FGF13: variants seen among roughly 807,000 people sequenced by gnomAD.
FGF13 encodes the protein fibroblast growth factor 13.
FGF13 carries 2 observed loss-of-function variants against 19.5 expected under a neutral mutation model. That is an observed-to-expected ratio of 0.10 (90% CI 0.04 to 0.32). FGF13 has a LOEUF of 0.32. FGF13 is among the 10% of genes least tolerant of loss of function. The pLI is 1.00. For synonymous variants in FGF13, 72 were observed against 76.9 expected, an observed-to-expected ratio of 0.94 and a Z score of 0.33; for missense variants, 113 against 192.7, an observed-to-expected ratio of 0.59 and a Z score of 2.45.
intron 3 of FGF13, among the ~76,000 whole-genome samples, chrX:138,781,336 T>C (rs1239289365): frequency 1.8e-5 from 2 of 108,493 alleles, no homozygotes; most frequent in Non-Finnish European, 3.8e-5. Flanking sequence ...CTGAAGGAAA[T>C]AGAGACACAA....
chrX:139,085,636 G>C (rs2083398949), intron 1 of FGF13, among the ~76,000 whole-genome samples: 1 of 111,726 alleles, frequency 9.0e-6, no homozygotes, highest in Non-Finnish European at 1.9e-5. Context: ...ATTCAAATTT[G>C]TTCAAAGGAA....
intron 3 of FGF13, among the ~76,000 whole-genome samples, chrX:138,685,837 A>AT (rs376036357): frequency 3.2e-4 from 35 of 108,962 alleles, no homozygotes; most frequent in African/African-American, 7.7e-4. Context: ...AACATTTATT[A>AT]TTTTTTTTAT....
chrX:138,728,506 G>A (rs1013579364), intron 1 of FGF13, among the ~76,000 whole-genome samples: 3 of 111,191 alleles, frequency 2.7e-5, no homozygotes, highest in Non-Finnish European at 3.8e-5. Flanking sequence ...ATACTTCTGC[G>A]ATAATGGTCC....
intron 3 of FGF13, among the ~76,000 whole-genome samples, chrX:138,663,260 C>T (rs1463291686): frequency 9.0e-6 from 1 of 111,588 alleles, no homozygotes; most frequent in Admixed American, 9.5e-5. Context: ...TGTGTATTTT[C>T]TGAGCCTCCT....
intron 1 of FGF13, among the ~76,000 whole-genome samples, chrX:138,892,819 T>C (rs185802983): frequency 2.7e-5 from 3 of 109,648 alleles, no homozygotes; most frequent in African/African-American, 6.7e-5. Context: ...GGGGAGCATA[T>C]ATGGGTGGTA....
At chrX:138,858,011 G>C (rs1183301754) in intron 2 of FGF13, among the ~76,000 whole-genome samples, 1 of 111,887 alleles carries the variant, frequency 8.9e-6, no homozygotes, top group Non-Finnish European at 1.9e-5. Context: ...GTTTCAGATT[G>C]AGTACAATAT....
intron 1 of FGF13, among the ~76,000 whole-genome samples, chrX:138,959,962 T>G (rs1446341237): frequency 8.9e-6 from 1 of 112,116 alleles, no homozygotes; most frequent in Admixed American, 9.5e-5. Flanking sequence ...TGATGAGTCT[T>G]GATTCTTTAT....
At chrX:139,170,399 T>C (rs1398700626) in intron 1 of FGF13, among the ~76,000 whole-genome samples, 1 of 111,782 alleles carries the variant, frequency 8.9e-6, no homozygotes. Flanking sequence ...CTACTAGTTC[T>C]GCTGGGATCT....
Position 138,632,570 on chromosome X carries a change from C to A in FGF13, c.*280G>T. ...CTGTGAAATACTTTTGGATTATCAT[C>A]CCCAAAGTATAGGTGAGATCATGAG... On this transcript the variant is annotated 3_prime_UTR_variant, in exon 5 of 5. Coordinates refer to ENST00000315930, the MANE Select transcript of FGF13 (RefSeq NM_004114.5). 1 of 198,091 alleles carries A rather than the reference C, an allele frequency of 5.0e-6. No homozygotes were observed. The highest frequency in any genetic ancestry group is 6.8e-5 in the Admixed American group (1 of 14,795). 16.3% of individuals were successfully genotyped at this position (198,091 alleles called of 1,213,427 possible). A position where few individuals can be genotyped will look rare whatever the true frequency, so the allele number is the denominator to read the frequency against.
intron 3 of FGF13, among the ~76,000 whole-genome samples, chrX:138,811,267 A>T (rs1258111378): frequency 9.0e-6 from 1 of 111,635 alleles, no homozygotes; most frequent in African/African-American, 3.3e-5. Flanking sequence ...ATGCAGCCAT[A>T]AAAAAGGATG....
intron 1 of FGF13, among the ~76,000 whole-genome samples, chrX:138,921,971 C>CAA (rs35464038): frequency 0.15 from 10,283 of 67,395 alleles, 853 homozygotes; most frequent in African/African-American, 0.2. Flanking sequence ...TTATGGAACT[C>CAA]AAAAAAAAAA....
intron 1 of FGF13, among the ~76,000 whole-genome samples, chrX:138,915,676 C>T (rs1347376097): frequency 9.0e-6 from 1 of 111,475 alleles, no homozygotes; most frequent in African/African-American, 3.3e-5. Flanking sequence ...GCTGACGGGT[C>T]CATGGTCTTC....
At chrX:139,009,076 A>G (rs1360490918) in intron 1 of FGF13, among the ~76,000 whole-genome samples, 1 of 111,868 alleles carries the variant, frequency 8.9e-6, no homozygotes, top group Non-Finnish European at 1.9e-5. Context: ...TCAGCAATAG[A>G]ATCGAACAAG....
At chrX:139,078,476 T>C (rs965570543) in intron 1 of FGF13, among the ~76,000 whole-genome samples, 1 of 112,151 alleles carries the variant, frequency 8.9e-6, no homozygotes, top group Non-Finnish European at 1.9e-5. Flanking sequence ...TCAGTTAACA[T>C]TGCTGATTTT....
At chrX:138,728,174 T>C (rs1452523529) in intron 1 of FGF13, among the ~76,000 whole-genome samples, 1 of 111,390 alleles carries the variant, frequency 9.0e-6, no homozygotes, top group East Asian at 2.9e-4. Context: ...CTCTAAGTGA[T>C]ATAATTTTTG....
chrX:138,897,875 T>C (rs772226932), intron 1 of FGF13, among the ~76,000 whole-genome samples: 18 of 111,319 alleles, frequency 1.6e-4, no homozygotes, highest in Admixed American at 5.7e-4. Context: ...ATCTCTGTGA[T>C]AAAGGAACCC....
intron 1 of FGF13, among the ~76,000 whole-genome samples, chrX:139,152,300 C>T (rs771735776): frequency 1.6e-4 from 15 of 96,262 alleles, no homozygotes; most frequent in African/African-American, 5.3e-4. Context: ...GGGCGATTAC[C>T]GATGTGATTA....
intron 3 of FGF13, among the ~76,000 whole-genome samples, chrX:138,798,657 T>C (rs1177502898): frequency 8.9e-6 from 1 of 112,126 alleles, no homozygotes; most frequent in East Asian, 2.8e-4. Flanking sequence ...CTCCTCTTTG[T>C]ACCTCTGGTA....
intron 3 of FGF13, among the ~76,000 whole-genome samples, chrX:138,692,248 A>G (rs2089845242): frequency 1.8e-5 from 2 of 111,679 alleles, no homozygotes; most frequent in African/African-American, 6.5e-5. Context: ...TGTGTTAAAA[A>G]CATACTTTTG....
Sources: gnomAD v4.1 joint callset for allele counts (sites outside exome capture counted in the v4.1 genomes callset) on GRCh38, gnomAD v4.1.1 for gene constraint, MANE v1.5 for transcripts, NCBI Gene and HGNC (gene_info 2026-07-23, HGNC 2026-07-21) for gene names.